HAVCR2: variants seen among roughly 807,000 people sequenced by gnomAD.
HAVCR2 encodes hepatitis A virus cellular receptor 2, also known as T cell immunoglobulin mucin 3.
In HAVCR2, 13 loss-of-function variants were observed where a neutral mutation model predicts 24.7. The observed-to-expected ratio is 0.53, with a 90% CI of 0.34 to 0.84. The LOEUF is 0.84. HAVCR2 is among the 40% of genes least tolerant of loss of function. The probability of loss-of-function intolerance (pLI) is 0.01; values close to 1 mark genes in which losing one functional copy is unlikely to be tolerated. For missense variants in HAVCR2, 343 were observed against 371.2 expected (o/e 0.92, Z 0.62); for synonymous variants, 154 against 143.4 (o/e 1.07, Z -0.53).
In HAVCR2 at chr5:157,106,623, T is replaced by C; in HGVS notation, c.394+4A>G. 6.2e-7 allele frequency: 1 copy of C among 1,610,724 alleles called. No homozygotes were observed. Among genetic ancestry groups the C allele is most frequent in the South Asian group, 1.1e-5 (1 of 90,994 alleles). ...ATAAAGATGGCATGCAAATGTCCAC[T>C]CACCTGGTTTGATGACCAACTTCAG... On this transcript the variant is annotated splice_donor_region_variant and intron_variant, in intron 2 of 6. Coordinates refer to ENST00000307851, the MANE Select transcript of HAVCR2 (RefSeq NM_032782.5).
At chr5:157,102,817 C>T (rs1232008573) in intron 3 of HAVCR2, among the ~76,000 whole-genome samples, 1 of 151,890 alleles carries the variant, frequency 6.6e-6, no homozygotes, top group Non-Finnish European at 1.5e-5. Context: ...CGTCTGTAAT[C>T]CCAGCTACTT....
At chr5:157,087,332 C>G in intron 6 of HAVCR2, 38 bp from the exon 7 acceptor site, 1 of 1,554,626 alleles carries the variant, frequency 6.4e-7, no homozygotes, top group Non-Finnish European at 8.7e-7. Flanking sequence ...TTAAGCATTT[C>G]CCAGGTAACA....
intron 1 of HAVCR2, among the ~76,000 whole-genome samples, chr5:157,108,123 T>C (rs1757278680): frequency 6.6e-6 from 1 of 152,126 alleles, no homozygotes; most frequent in Non-Finnish European, 1.5e-5. Context: ...CTTTTGATTT[T>C]TTATGTCCCC....
intron 4 of HAVCR2, among the ~76,000 whole-genome samples, chr5:157,095,953 C>T (rs571939842): frequency 5.3e-5 from 8 of 152,268 alleles, no homozygotes; most frequent in Middle Eastern, 3.4e-3. Flanking sequence ...AGGCCGGGCG[C>T]GGTGGCTAAT....
At chr5:157,096,229 C>CAAA (rs386405404) in intron 4 of HAVCR2, among the ~76,000 whole-genome samples, 74 of 89,912 alleles carry the variant, frequency 8.2e-4, no homozygotes, top group South Asian at 1.6e-3. Context: ...GACTCCATCT[C>CAAA]AAAAAAAAAA....
At chr5:157,105,019 A>T in intron 2 of HAVCR2, 2 of 204,290 alleles carry the variant, frequency 9.8e-6, no homozygotes, top group South Asian at 1.4e-4. Context: ...CAGGTTGAAG[A>T]CTCCTTATCT....
chr5:157,088,871 A>G, intron 6 of HAVCR2, 70 bp downstream of exon 6: 2 of 1,307,300 alleles, frequency 1.5e-6, no homozygotes, highest in Non-Finnish European at 1.1e-6. Context: ...CTCAGAGAAA[A>G]GATCAGACAT....
intron 1 of HAVCR2, among the ~76,000 whole-genome samples, chr5:157,107,735 T>A (rs547958584): frequency 1.3e-5 from 2 of 152,290 alleles, no homozygotes; most frequent in South Asian, 2.1e-4. Flanking sequence ...CAATGCAGAT[T>A]GATAGCTCAT....
intron 3 of HAVCR2, among the ~76,000 whole-genome samples, chr5:157,101,891 C>T (rs550034369): frequency 1.3e-5 from 2 of 151,074 alleles, no homozygotes; most frequent in South Asian, 4.2e-4. Context: ...CTTCCTGCCT[C>T]AGCCCTGCCA....
intron 4 of HAVCR2, among the ~76,000 whole-genome samples, chr5:157,098,406 T>TA (rs70984442): frequency 0.09 from 12,421 of 138,116 alleles, 735 homozygotes; most frequent in African/African-American, 0.16. Flanking sequence ...AAATTCTGTC[T>TA]AAAAAAAAAA....
At chr5:157,093,431 G>A (rs1323435994) in intron 5 of HAVCR2, among the ~76,000 whole-genome samples, 1 of 152,070 alleles carries the variant, frequency 6.6e-6, no homozygotes, top group Non-Finnish European at 1.5e-5. Flanking sequence ...TTAGTGGGGG[G>A]ACCAACTCAT....
intron 2 of HAVCR2, 144 bp downstream of exon 2, chr5:157,106,483 C>T: frequency 1.5e-6 from 1 of 656,540 alleles, no homozygotes. Context: ...TGAGCATCAC[C>T]AATGGGGCCT....
chr5:157,087,319 G>A, intron 6 of HAVCR2, 25 bp from the exon 7 acceptor site: 3 of 1,582,914 alleles, frequency 1.9e-6, no homozygotes, highest in Non-Finnish European at 2.6e-6. Context: ...TGTTGCGGTT[G>A]AGTTAAGCAT....
At position 157,095,336 on chromosome 5, in the gene HAVCR2, CCAGAGCCAGCCCAGCA is replaced by C; in HGVS notation, c.630_645del (p.Cys210TrpfsTer8). 1 of 1,613,992 alleles carries C rather than the reference CCAGAGCCAGCCCAGCA, an allele frequency of 6.2e-7. No individual in the cohort carries two copies. The highest frequency in any genetic ancestry group is 8.5e-7 in the Non-Finnish European group (1 of 1,179,968). On this transcript the variant is annotated frameshift_variant, in exon 5 of 7. Transcript: ENST00000307851. LOFTEE classifies it high-confidence loss of function. ...AAAATTAAAGCGCCGAAGATAAGAG[CCAGAGCCAGCCCAGCA>C]CAGATCCCTGCTCCGATGTAGATGC... is the stretch of plus-strand genomic sequence containing the variant.
At chr5:157,098,929 G>A (rs779393713) in intron 3 of HAVCR2, 28 bp from the exon 4 acceptor site, 6 of 1,594,710 alleles carry the variant, frequency 3.8e-6, no homozygotes, top group Non-Finnish European at 5.1e-6. Context: ...GAGAGAGAGA[G>A]AGGAAAAATA....
chr5:157,104,676 T>C lies in HAVCR2; in HGVS notation c.468A>G (p.Gly156=). ...CCCATGCATAGTTACCTGGGCCATG[T>C]CCCCTGGTGGTAAGCATCCTTGGAA... ...AAFPRMLTTR[G]HGPAETQTLG... The change falls in exon 3 of 7, where the codon GGA becomes GGG. Residue 156 remains glycine (G), a synonymous_variant. Transcript: ENST00000307851. The C allele has an allele frequency of 6.2e-7, 1 of 1,601,654 alleles. No individual in the cohort carries two copies. Among genetic ancestry groups the C allele is most frequent in the Middle Eastern group, 1.7e-4 (1 of 6,036 alleles).
intron 4 of HAVCR2, 34 bp downstream of exon 4, chr5:157,098,824 G>A: frequency 6.3e-7 from 1 of 1,595,684 alleles, no homozygotes; most frequent in Non-Finnish European, 8.6e-7. Flanking sequence ...CCTCCAAGTT[G>A]AGTACAACAT....
intron 6 of HAVCR2, among the ~76,000 whole-genome samples, chr5:157,087,523 T>C (rs142067728): frequency 5.1e-4 from 77 of 152,246 alleles, no homozygotes; most frequent in African/African-American, 1.6e-3. Flanking sequence ...AGCATTGTGA[T>C]AGCTAAGAGA....
chr5:157,104,842 G>A, intron 2 of HAVCR2, 93 bp from the exon 3 acceptor site: 2 of 869,272 alleles, frequency 2.3e-6, no homozygotes, highest in Non-Finnish European at 3.7e-6. Flanking sequence ...AAATGCGAAA[G>A]ACAATTAAGA....
Sources: allele counts gnomAD v4.1 joint callset (sites outside exome capture counted in the v4.1 genomes callset), GRCh38; gene constraint gnomAD v4.1.1; transcripts MANE v1.5; gene names NCBI Gene and HGNC (gene_info 2026-07-23, HGNC 2026-07-21).